The following PILRA variants were observed in gnomAD, a reference collection of about 807,000 sequenced individuals.
PILRA encodes the protein paired immunoglobin like type 2 receptor alpha, also known as paired immunoglobulin-like type 2 receptor alpha.
A neutral mutation model predicts 33.1 loss-of-function variants in PILRA; 37 were observed. That is an observed-to-expected ratio of 1.12 (90% CI 0.86 to 1.47). The LOEUF (loss-of-function observed/expected upper bound fraction) is 1.47. Ranked by LOEUF, PILRA falls within the 40% of genes most tolerant of loss-of-function variation. The probability of loss-of-function intolerance (pLI) is 0.00; values close to 1 mark genes in which losing one functional copy is unlikely to be tolerated. For synonymous variants in PILRA, 146 were observed against 149.9 expected, an observed-to-expected ratio of 0.97 and a Z score of 0.19; for missense variants, 312 against 376.2, an observed-to-expected ratio of 0.83 and a Z score of 1.41.
intron 3 of PILRA, among the ~76,000 whole-genome samples, chr7:100,390,974 T>G (rs1357822721): frequency 6.6e-6 from 1 of 150,446 alleles, no homozygotes; most frequent in African/African-American, 2.5e-5. Context: ...AGGGGTGAGG[T>G]GGAAAGAGGA....
Position 100,373,836 on chromosome 7 carries a change from G to T in PILRA, c.64+116G>T, listed in dbSNP as rs1428832095. The T allele has an allele frequency of 2.0e-5, 28 of 1,432,248 alleles. No individual in the cohort carries two copies. The East Asian group carries it at 5.3e-4, about 27-fold the overall frequency. The allele number at this position is 1,432,248 out of a possible 1,614,324, so 88.7% of individuals were successfully genotyped here. Reference sequence around the variant, plus strand: ...CAGGCTCCCACCACCAGGAAACAAGGGCGGGTCCCACAGGGGCGGGTGACC... The same window carrying T: ...CAGGCTCCCACCACCAGGAAACAAGTGCGGGTCCCACAGGGGCGGGTGACC... On this transcript the variant is annotated intron_variant, in intron 1 of 6. Coordinates refer to ENST00000198536, the MANE Select transcript of PILRA (RefSeq NM_013439.3).
In PILRA at chr7:100,373,590, C is replaced by T; in HGVS notation, c.-67C>T. ...TCACCTCAACCCCCAGGCGGCCCCT[C>T]CACAGGGCCCCTCTCCTGCCTGGAC... On this transcript the variant is annotated 5_prime_UTR_variant, in exon 1 of 7. Transcript: ENST00000198536. The T allele has an allele frequency of 6.3e-7, 1 of 1,589,454 alleles. No individual in the cohort carries two copies. The highest frequency in any genetic ancestry group is 1.1e-5 in the South Asian group (1 of 90,614).
At chr7:100,388,199 T>A (rs1791294511) in intron 2 of PILRA, among the ~76,000 whole-genome samples, 1 of 152,180 alleles carries the variant, frequency 6.6e-6, no homozygotes, top group Admixed American at 6.5e-5. Context: ...GCATTTACAC[T>A]TTTATTACTT....
rs1170358934 is a variant in PILRA at position 100,387,410 on chromosome 7, C to G, written c.455-2478C>G. ...TGTATTTTTAGTAGAGATGGGCTTT[C>G]ACCATGTTGGCCAGGCTGCTCTCAA... On this transcript the variant is annotated intron_variant, in intron 2 of 6. Transcript: ENST00000198536. Among the ~76,000 whole-genome samples, 5 of 152,180 alleles carry G rather than the reference C, an allele frequency of 3.3e-5. No homozygotes were observed. The East Asian group carries it at 9.6e-4, about 29-fold the overall frequency.
rs1791348317 is a variant in PILRA, at chr7:100,389,970, G to A, written c.537G>A (p.Arg179=). The A allele has an allele frequency of 2.5e-6, 4 of 1,613,994 alleles. No individual in the cohort carries two copies. The highest frequency in any genetic ancestry group is 2.2e-5 in the East Asian group (1 of 44,882). The change falls in exon 3 of 7, where the codon AGG becomes AGA. Residue 179 remains arginine, a synonymous_variant. Coordinates refer to ENST00000198536, the MANE Select transcript of PILRA (RefSeq NM_013439.3). ...LSSTTTTTGL[R]VTQGKRRSDS... The stretch of plus-strand genomic sequence containing the variant: ...GCACAACCACCACAACCGGCCTCAG[G>A]GTCACACAGGGCAAACGACGCTCAG...
chr7:100,392,856 A>G (rs1421546241), intron 3 of PILRA, among the ~76,000 whole-genome samples: 1 of 152,206 alleles, frequency 6.6e-6, no homozygotes, highest in South Asian at 2.1e-4. Flanking sequence ...ACCAAAATAA[A>G]TTCCACAGGG....
intron 2 of PILRA, among the ~76,000 whole-genome samples, chr7:100,378,308 C>T (rs987417204): frequency 3.3e-5 from 5 of 152,112 alleles, no homozygotes; most frequent in African/African-American, 4.8e-5. Flanking sequence ...GCTGTGATTT[C>T]GCAACTGCAC....
chr7:100,376,452 T>A (rs1264071071), intron 2 of PILRA: 1 of 151,866 alleles, frequency 6.6e-6, no homozygotes, highest in Non-Finnish European at 1.5e-5. Flanking sequence ...AAAAACAAAA[T>A]TCAGGAAAGT....
intron 2 of PILRA, chr7:100,374,714 T>G: frequency 4.1e-6 from 2 of 491,148 alleles, no homozygotes; most frequent in Non-Finnish European, 7.5e-6. Context: ...ACCCTCTAAT[T>G]ATCCTTCATT....
intron 3 of PILRA, among the ~76,000 whole-genome samples, chr7:100,397,545 G>C (rs1362887355): frequency 1.3e-5 from 2 of 152,018 alleles, no homozygotes; most frequent in African/African-American, 4.8e-5. Context: ...CAATGTCAAG[G>C]GAAGGGGAGG....
At chr7:100,379,668 C>CAAAAA (rs57322009) in intron 2 of PILRA, among the ~76,000 whole-genome samples, 1 of 69,034 alleles carries the variant, frequency 1.4e-5, no homozygotes. Context: ...ACTCTGTCTC[C>CAAAAA]AAAAAAAAAA....
At chr7:100,377,316 C>T (rs1164635651) in intron 2 of PILRA, among the ~76,000 whole-genome samples, 1 of 143,054 alleles carries the variant, frequency 7.0e-6, no homozygotes, top group Non-Finnish European at 1.5e-5. Context: ...TCTCGGCTCG[C>T]TGCAAACTCC....
chr7:100,388,899 C>T (rs888152014), intron 2 of PILRA, among the ~76,000 whole-genome samples: 2 of 151,544 alleles, frequency 1.3e-5, no homozygotes, highest in African/African-American at 4.9e-5. Context: ...TTGTTTAACA[C>T]GTGAAATGTT....
upstream of PILRA, chr7:100,373,306 G>T (rs1197960376): frequency 8.0e-6 from 4 of 499,766 alleles, no homozygotes; most frequent in Admixed American, 1.3e-4. Context: ...GGTCTGCAGG[G>T]ATCCAGGTGG....
rs749672684 is a variant in PILRA at position 100,389,955 on chromosome 7, C to G, written c.522C>G (p.Thr174=). Residue 174 remains threonine (T), a synonymous_variant, in exon 3 of 7, where the codon ACC becomes ACG. Transcript: ENST00000198536. ...CCTGGAGGCTCAGTAGCACAACCAC[C>G]ACAACCGGCCTCAGGGTCACACAGG... ...TTTWRLSSTT[T]TTGLRVTQGK... The G allele has an allele frequency of 1.5e-5, 24 of 1,614,098 alleles. No individual in the cohort carries two copies. The South Asian group carries it at 2.6e-4, about 18-fold the overall frequency.
Position 100,374,603 on chromosome 7 carries a change from C to T in PILRA, c.454+170C>T, listed in dbSNP as rs2130155936. The T allele has an allele frequency of 5.5e-6, 4 of 730,228 alleles. No individual in the cohort carries two copies. In the Admixed American group the frequency reaches 6.4e-5, roughly 12 times the overall value. The allele number at this position is 730,228 out of a possible 1,614,324, so 45.2% of individuals were successfully genotyped here. The stretch of plus-strand genomic sequence containing the variant: ...TTTGCCACCTCTCCCCTTTTCTCTT[C>T]CCCTTGTCTCCACAACTGATCTGCT... On this transcript the variant is annotated intron_variant, in intron 2 of 6. Coordinates refer to ENST00000198536, the MANE Select transcript of PILRA (RefSeq NM_013439.3).
intron 2 of PILRA, among the ~76,000 whole-genome samples, chr7:100,389,469 G>T (rs1791327751): frequency 6.6e-6 from 1 of 152,074 alleles, no homozygotes; most frequent in Non-Finnish European, 1.5e-5. Flanking sequence ...ATCCCTATTT[G>T]TGAGTGAGGA....
intron 2 of PILRA, 104 bp downstream of exon 2, chr7:100,374,537 C>A (rs758692484): frequency 6.6e-6 from 9 of 1,369,558 alleles, no homozygotes; most frequent in Non-Finnish European, 9.2e-6. Context: ...CTTCTGACGA[C>A]CCCTAAGTTC....
In PILRA at chr7:100,374,320, A is replaced by G. The variant is rs1220242459; in HGVS notation, c.341A>G (p.Asn114Ser). 2 of 1,614,040 alleles carry G rather than the reference A, an allele frequency of 1.2e-6. No individual in the cohort carries two copies. The highest frequency in any genetic ancestry group is 1.7e-6 in the Non-Finnish European group (2 of 1,180,000). ...GQKSGFLRIS[N>S]LQKQDQSVYF... is the part of the protein sequence containing the mutation. The stretch of plus-strand genomic sequence containing the variant: ...AAGAGCGGCTTCCTCAGGATCTCCA[A>G]CCTGCAGAAGCAGGACCAGTCTGTG... Residue 114 changes from asparagine to serine, a missense_variant, in exon 2 of 7, where the codon AAC becomes AGC. Transcript: ENST00000198536.
Sources: gnomAD v4.1 joint callset for allele counts (sites outside exome capture counted in the v4.1 genomes callset) on GRCh38, gnomAD v4.1.1 for gene constraint, MANE v1.5 for transcripts, NCBI Gene and HGNC (gene_info 2026-07-23, HGNC 2026-07-21) for gene names.